SF3B1: variants seen among roughly 807,000 people sequenced by gnomAD.
SF3B1 encodes the protein pre-mRNA processing 10.
Under a neutral mutation model 153.8 loss-of-function variants are expected in SF3B1, and 12 were observed. The ratio of observed to expected loss-of-function variants is 0.08; its 90% CI spans 0.05 to 0.13. SF3B1 has a LOEUF of 0.13. Among genes scored for constraint, SF3B1 ranks in the 10% least tolerant of loss-of-function variants. SF3B1 has a pLI of 1.00. For synonymous variants in SF3B1, 498 were observed against 525.2 expected (o/e 0.95, Z 0.71); for missense variants, 513 against 1,606.1 (o/e 0.32, Z 11.63).
intron 20 of SF3B1, chr2:197,399,088 T>G: frequency 7.7e-7 from 1 of 1,293,788 alleles, no homozygotes; most frequent in East Asian, 5.6e-5. Flanking sequence ...TTGCTCTAAC[T>G]AGAATCACTT....
chr2:197,405,916 G>A (rs1247275017), intron 9 of SF3B1, among the ~76,000 whole-genome samples: 3 of 151,920 alleles, frequency 2.0e-5, no homozygotes, highest in African/African-American at 7.3e-5. Flanking sequence ...ATAAATTCTT[G>A]CACTACAAAA....
In SF3B1 at chr2:197,401,563, C is replaced by T; in HGVS notation, c.2371-38G>A. On this transcript the variant is annotated intron_variant, in intron 16 of 24. Coordinates refer to ENST00000335508, the MANE Select transcript of SF3B1 (RefSeq NM_012433.4). This position sits in a 1 kb window ranked among gnomAD's most constrained non-coding sequence, Gnocchi z 4.2. ...GAAATAGTAATAATAAATCAACTGA[C>T]CTGAAATGAAGAGAATACTCATTGC... is the stretch of plus-strand genomic sequence containing the variant. 1.3e-6 allele frequency: 2 copies of T among 1,589,446 alleles called. No individual in the cohort carries two copies. Among genetic ancestry groups the T allele is most frequent in the South Asian group, 1.1e-5 (1 of 87,812 alleles).
At chr2:197,406,574 T>G (rs138212677) in intron 9 of SF3B1, among the ~76,000 whole-genome samples, 109 of 152,284 alleles carry the variant, frequency 7.2e-4, no homozygotes, top group African/African-American at 2.4e-3. Flanking sequence ...AGGACGTTGC[T>G]TATTAGTAGG....
intron 6 of SF3B1, among the ~76,000 whole-genome samples, chr2:197,413,650 G>C (rs1025334506): frequency 1.6e-4 from 24 of 152,268 alleles, no homozygotes; most frequent in African/African-American, 5.8e-4. Flanking sequence ...TAGTGATTTA[G>C]ACTAGGATGG....
At chr2:197,426,573 G>C (rs1276586668) in intron 1 of SF3B1, among the ~76,000 whole-genome samples, 1 of 152,158 alleles carries the variant, frequency 6.6e-6, no homozygotes, top group Non-Finnish European at 1.5e-5. Context: ...ACAAATGGAT[G>C]AATCAGGAGA....
At chr2:197,392,595 C>T in intron 24 of SF3B1, 134 bp from the exon 25 acceptor site, 1 of 556,108 alleles carries the variant, frequency 1.8e-6, no homozygotes, top group Admixed American at 3.5e-5. Flanking sequence ...CTACTAATTA[C>T]ACTGCTCTTA....
At chr2:197,433,569 G>A (rs1214833736) in intron 1 of SF3B1, among the ~76,000 whole-genome samples, 1 of 152,180 alleles carries the variant, frequency 6.6e-6, no homozygotes, top group African/African-American at 2.4e-5. Context: ...TACTAAGAGA[G>A]CATTTAAATC....
Position 197,396,204 on chromosome 2 carries a change from C to T in SF3B1, c.3391G>A (p.Ala1131Thr). ...ETCSPFTVLP[A>T]LMNEYRVPEL... ...GGAACTCTGTATTCATTCATTAAGG[C>T]AGGGAGTACTGTAAAGGGTGAACAT... The change falls in exon 23 of 25, where the codon GCC (alanine) becomes ACC (threonine). Residue 1131 changes from alanine to threonine, a missense_variant. Around this residue, in one of 21 missense-constraint regions of SF3B1, gnomAD observed 17 missense variants for 246.2 expected, o/e 0.07. Coordinates refer to ENST00000335508, the MANE Select transcript of SF3B1 (RefSeq NM_012433.4). The T allele has an allele frequency of 6.2e-7, 1 of 1,613,866 alleles. No homozygotes were observed. Among genetic ancestry groups the T allele is most frequent in the Non-Finnish European group, 8.5e-7 (1 of 1,179,894 alleles).
At chr2:197,409,120 C>A (rs939141707) in intron 7 of SF3B1, among the ~76,000 whole-genome samples, 2 of 152,006 alleles carry the variant, frequency 1.3e-5, no homozygotes, top group Non-Finnish European at 2.9e-5. Flanking sequence ...TAGCCAGGGG[C>A]CGGAAGCGGT....
Position 197,400,975 on chromosome 2 carries a change from T to TC in SF3B1, c.2497-40_2497-39insG. ...AAAAACAAAAAACCTTTTAGACTGC[T>TC]TTTCCAAGGAAATAAAGCAACATCA... is the stretch of plus-strand genomic sequence containing the variant. On this transcript the variant is annotated intron_variant, in intron 17 of 24. Coordinates refer to ENST00000335508, the MANE Select transcript of SF3B1 (RefSeq NM_012433.4). This position sits in a 1 kb window ranked among gnomAD's most constrained non-coding sequence, Gnocchi z 5.0. 7.6e-7 allele frequency: 1 copy of TC among 1,313,268 alleles called. No homozygotes were observed. Among genetic ancestry groups the TC allele is most frequent in the Non-Finnish European group, 1.1e-6 (1 of 925,586 alleles). The allele number at this position is 1,313,268 out of a possible 1,614,324, so 81.4% of individuals were successfully genotyped here. A position where few individuals can be genotyped will look rare whatever the true frequency, so the allele number is the denominator to read the frequency against.
At chr2:197,419,566 T>C in intron 4 of SF3B1, 1 of 220,702 alleles carries the variant, frequency 4.5e-6, no homozygotes, top group East Asian at 6.7e-5. Flanking sequence ...TTTGGAATAC[T>C]TTTTCACCAT....
intron 8 of SF3B1, 34 bp downstream of exon 8, chr2:197,408,334 GA>G (rs1359162050): frequency 1.3e-6 from 2 of 1,588,560 alleles, no homozygotes; most frequent in Non-Finnish European, 1.7e-6. Flanking sequence ...AATTTATGGA[GA>G]AAAAAACAAT....
chr2:197,402,535 C>G lies in SF3B1; in HGVS notation c.2077+21G>C. ...TCTCCTAAAGAAAAAAAAAAAAAGA[C>G]AAAGTTACATTACAACTTACCATGT... On this transcript the variant is annotated intron_variant, in intron 14 of 24. Coordinates refer to ENST00000335508, the MANE Select transcript of SF3B1 (RefSeq NM_012433.4). The surrounding 1 kb of genome is among the most constrained non-coding windows in gnomAD (Gnocchi z 4.6). 1 of 1,561,800 alleles carries G rather than the reference C, an allele frequency of 6.4e-7. No individual in the cohort carries two copies. The highest frequency in any genetic ancestry group is 8.7e-7 in the Non-Finnish European group (1 of 1,149,168).
At chr2:197,395,234 C>T in intron 23 of SF3B1, among the ~76,000 whole-genome samples, 1 of 152,200 alleles carries the variant, frequency 6.6e-6, no homozygotes, top group Admixed American at 6.5e-5. Context: ...GTGATTTACC[C>T]TCATTTTTTT....
At chr2:197,432,607 T>C (rs2085457080) in intron 1 of SF3B1, among the ~76,000 whole-genome samples, 1 of 152,176 alleles carries the variant, frequency 6.6e-6, no homozygotes, top group Admixed American at 6.5e-5. Context: ...TGGTGGCTCA[T>C]GCCAGTAATC....
chr2:197,423,741 A>C (rs2085286105), intron 2 of SF3B1, 67 bp downstream of exon 2: 6 of 1,514,072 alleles, frequency 4.0e-6, no homozygotes, highest in Admixed American at 1.8e-5. Context: ...TGGCTGCAAC[A>C]AAAGTTATTC....
At chr2:197,393,664 G>A (rs3115366) in intron 23 of SF3B1, among the ~76,000 whole-genome samples, 66,029 of 151,462 alleles carry the variant, frequency 0.44, 14,831 homozygotes, top group South Asian at 0.59. Context: ...TGTTGGCCAG[G>A]ATGGTCTCGA....
At chr2:197,422,797 G>A (rs933601758) in intron 2 of SF3B1, among the ~76,000 whole-genome samples, 6 of 152,120 alleles carry the variant, frequency 3.9e-5, no homozygotes, top group Non-Finnish European at 7.4e-5. Flanking sequence ...GGCTGAGGCA[G>A]GAGAATGCTA....
At chr2:197,431,238 C>T (rs1211437325) in intron 1 of SF3B1, among the ~76,000 whole-genome samples, 1 of 151,492 alleles carries the variant, frequency 6.6e-6, no homozygotes, top group Non-Finnish European at 1.5e-5. Context: ...CTGCAACAGC[C>T]TCCCGAGGAG....
Sources: gnomAD v4.1 joint callset for allele counts (sites outside exome capture counted in the v4.1 genomes callset) on GRCh38, gnomAD v4.1.1 for gene constraint, gnomAD v4.1.1 regional missense constraint, Gnocchi (gnomAD v3.1) non-coding constraint, MANE v1.5 for transcripts, NCBI Gene and HGNC (gene_info 2026-07-23, HGNC 2026-07-21) for gene names.